The following TF variants were observed in gnomAD, a reference collection of about 807,000 sequenced individuals.
The protein encoded by TF is transferrin.
TF carries 55 observed loss-of-function variants against 82.4 expected under a neutral mutation model. The observed-to-expected ratio is 0.67, with a 90% CI of 0.54 to 0.84. The LOEUF (loss-of-function observed/expected upper bound fraction) is 0.84, where lower values mean the gene tolerates loss of function less well. TF is among the 40% of genes least tolerant of loss of function. The pLI is 0.00. For missense variants in TF, 737 were observed against 868.4 expected (o/e 0.85, Z 1.90); for synonymous variants, 332 against 332.6 (o/e 1.00, Z 0.02).
the TF span, among the ~76,000 whole-genome samples, chr3:133,724,057 A>G: frequency 2.0e-5 from 3 of 152,108 alleles, no homozygotes; most frequent in Non-Finnish European, 4.4e-5. Flanking sequence ...GTCAATCATT[A>G]TTGGACATTT....
chr3:133,765,827 G>C (rs1934113337), intron 11 of TF, among the ~76,000 whole-genome samples: 1 of 152,070 alleles, frequency 6.6e-6, no homozygotes, highest in African/African-American at 2.4e-5. Context: ...ATTTATTTTG[G>C]TATAAAACTA....
At chr3:133,705,806 G>T in the TF span, among the ~76,000 whole-genome samples, 1 of 152,098 alleles carries the variant, frequency 6.6e-6, no homozygotes, top group African/African-American at 2.4e-5. Context: ...CTGGCTCAAA[G>T]GTAAAGGCCC....
intron 16 of TF, chr3:133,777,510 G>A: frequency 2.2e-6 from 1 of 461,492 alleles, no homozygotes; most frequent in South Asian, 2.3e-5. Flanking sequence ...CTGGGTTTAT[G>A]TGTACATGCC....
At chr3:133,764,329 AG>A (rs1934071574) in intron 10 of TF, 54 bp downstream of exon 10, 1 of 1,434,638 alleles carries the variant, frequency 7.0e-7, no homozygotes, top group South Asian at 1.1e-5. Context: ...CCATGGAGAG[AG>A]GAGATGGAAA....
rs1010487967 is a variant in TF at position 133,786,544 on chromosome 3, T to C, written c.*7924T>C. 1.3e-5 allele frequency: 2 copies of C among 152,220 alleles called. No individual in the cohort carries two copies. The highest frequency in any genetic ancestry group is 2.9e-5 in the Non-Finnish European group (2 of 68,030). The allele number at this position is 152,220 out of a possible 1,614,324, so 9.4% of individuals were successfully genotyped here. On this transcript the variant is annotated 3_prime_UTR_variant, in exon 17 of 17. Coordinates refer to ENST00000402696, the MANE Select transcript of TF (RefSeq NM_001063.4). ...TTTACTTATCTGGGTATATTGTGGA[T>C]CTAAAGGACAAATGAGTCCTGACTT...
the TF span, among the ~76,000 whole-genome samples, chr3:133,695,071 CTG>C: frequency 7.2e-5 from 11 of 152,008 alleles, no homozygotes; most frequent in Non-Finnish European, 1.5e-4. Context: ...GCCGTCACCT[CTG>C]TGAGGAAAGA....
At position 133,766,522 on chromosome 3, in the gene TF, T is replaced by C. The variant is rs8177279; in HGVS notation, c.1486+89T>C. The C allele has an allele frequency of 6.4e-3, 9,951 of 1,560,314 alleles. 69 individuals are homozygous for C. The highest frequency in any genetic ancestry group is 0.015 in the Middle Eastern group (81 of 5,522). On this transcript the variant is annotated intron_variant, in intron 12 of 16. Transcript: ENST00000402696. ...GGAAGAGGAGTGTGGCATAAGGTGC[T>C]GTGGGCTCTGGTTCTAGAGAAGTAG... is the stretch of plus-strand genomic sequence containing the variant.
rs1282229408 is a variant in TF, at chr3:133,795,286, T to C, written c.*16666T>C. The stretch of plus-strand genomic sequence containing the variant: ...TAAGGAGCATACTTACTCTCAACTC[T>C]TGGTATTATCCTCCTGATAGTCATA... On this transcript the variant is annotated 3_prime_UTR_variant, in exon 17 of 17. Transcript: ENST00000402696. The C allele has an allele frequency of 6.6e-6, 1 of 152,236 alleles. No individual in the cohort carries two copies. Among genetic ancestry groups the C allele is most frequent in the Non-Finnish European group, 1.5e-5 (1 of 68,048 alleles). 9.4% of individuals were successfully genotyped at this position (152,236 alleles called of 1,614,324 possible). A position where few individuals can be genotyped will look rare whatever the true frequency, so the allele number is the denominator to read the frequency against.
At chr3:133,708,068 A>G in the TF span, among the ~76,000 whole-genome samples, 1 of 152,240 alleles carries the variant, frequency 6.6e-6, no homozygotes, top group Non-Finnish European at 1.5e-5. Context: ...CTTATATTCA[A>G]CAGAAAAACT....
At chr3:133,762,464 A>T (rs1934021110) in intron 9 of TF, 1 of 152,236 alleles carries the variant, frequency 6.6e-6, no homozygotes, top group African/African-American at 2.4e-5. Context: ...GAGAGAGCAC[A>T]TTAACATAAC....
rs1326236551 is a variant in TF at position 133,775,440 on chromosome 3, C to T, written c.1695C>T (p.Asn565=). ...QTVPQNTGGK[N]PDPWAKNLNE... ...CCTTCTTCCTGTCCCTAGGAAAAAACCCTGATCCATGGGCTAAGAATCTGA... is the reference window on the plus strand; with the variant it reads ...CCTTCTTCCTGTCCCTAGGAAAAAATCCTGATCCATGGGCTAAGAATCTGA... Residue 565 remains asparagine, a synonymous_variant, in exon 15 of 17, where the codon AAC becomes AAT. Transcript: ENST00000402696. The T allele has an allele frequency of 8.7e-6, 14 of 1,614,098 alleles. No individual in the cohort carries two copies. The East Asian group carries it at 2.9e-4, about 33-fold the overall frequency.
the TF span, among the ~76,000 whole-genome samples, chr3:133,734,444 G>C: frequency 6.6e-6 from 1 of 152,202 alleles, no homozygotes; most frequent in Non-Finnish European, 1.5e-5. Flanking sequence ...GCAGGAGCCA[G>C]CTGGAAATGC....
At chr3:133,732,509 G>A in the TF span, among the ~76,000 whole-genome samples, 3 of 152,258 alleles carry the variant, frequency 2.0e-5, no homozygotes, top group South Asian at 4.2e-4. Context: ...AGCCAACAGC[G>A]GCAACCCACT....
At chr3:133,732,939 T>C in the TF span, among the ~76,000 whole-genome samples, 2 of 152,206 alleles carry the variant, frequency 1.3e-5, no homozygotes, top group African/African-American at 4.8e-5. Context: ...ACCAAGCCAC[T>C]GTAGCTTTAG....
At chr3:133,739,243 A>G in the TF span, among the ~76,000 whole-genome samples, 34 of 152,266 alleles carry the variant, frequency 2.2e-4, no homozygotes, top group African/African-American at 8.2e-4. Flanking sequence ...AAATGGTGCT[A>G]GGAAAACAGG....
At chr3:133,664,484 G>A in the TF span, among the ~76,000 whole-genome samples, 1 of 152,000 alleles carries the variant, frequency 6.6e-6, no homozygotes, top group African/African-American at 2.4e-5. Context: ...CATCGCACCC[G>A]GCTAATTTTT....
chr3:133,790,495 C>G lies in TF; in HGVS notation c.*11875C>G, dbSNP rs1446670238. The G allele has an allele frequency of 6.6e-6, 1 of 151,950 alleles. No individual in the cohort carries two copies. The highest frequency in any genetic ancestry group is 2.4e-5 in the African/African-American group (1 of 41,374). 9.4% of individuals were successfully genotyped at this position (151,950 alleles called of 1,614,324 possible). On this transcript the variant is annotated 3_prime_UTR_variant, in exon 17 of 17. Transcript: ENST00000402696. Reference sequence around the variant, plus strand: ...CTTATGAAACAATGTAGTAAGGAACCAGTAAGTAGAGGAGAACGATATGGA... The same window carrying G: ...CTTATGAAACAATGTAGTAAGGAACGAGTAAGTAGAGGAGAACGATATGGA...
At chr3:133,712,310 C>G in the TF span, among the ~76,000 whole-genome samples, 1 of 152,130 alleles carries the variant, frequency 6.6e-6, no homozygotes, top group Non-Finnish European at 1.5e-5. Flanking sequence ...TGAAAAAGGG[C>G]AATGGCAGCA....
At chr3:133,682,544 G>T in the TF span, among the ~76,000 whole-genome samples, 1 of 152,144 alleles carries the variant, frequency 6.6e-6, no homozygotes, top group Non-Finnish European at 1.5e-5. Context: ...ACCATGGCAC[G>T]AGAACTACGT....
Sources: gnomAD v4.1 joint callset for allele counts (sites outside exome capture counted in the v4.1 genomes callset) on GRCh38, gnomAD v4.1.1 for gene constraint, MANE v1.5 for transcripts, NCBI Gene and HGNC (gene_info 2026-07-23, HGNC 2026-07-21) for gene names.